AUTS2: variants seen among roughly 807,000 people sequenced by gnomAD.
AUTS2 encodes the protein autism susceptibility gene 2 protein.
Under a neutral mutation model 112.4 loss-of-function variants are expected in AUTS2, and 17 were observed. That is an observed-to-expected ratio of 0.15 (90% CI 0.10 to 0.23). The LOEUF (loss-of-function observed/expected upper bound fraction) is 0.23, where lower values mean the gene tolerates loss of function less well. AUTS2 is among the 10% of genes least tolerant of loss of function. AUTS2 has a pLI of 1.00. For synonymous variants in AUTS2, 751 were observed against 702.7 expected, an observed-to-expected ratio of 1.07 and a Z score of -1.09; for missense variants, 1,510 against 1,701.6, an observed-to-expected ratio of 0.89 and a Z score of 1.98.
chr7:69,900,486 TA>T (rs1192266222), intron 2 of AUTS2, among the ~76,000 whole-genome samples: 3 of 152,228 alleles, frequency 2.0e-5, no homozygotes, highest in African/African-American at 4.8e-5. Context: ...GAGAATCATA[TA>T]ATGAGAGCTA....
At chr7:70,373,008 C>T (rs957792751) in intron 4 of AUTS2, among the ~76,000 whole-genome samples, 2 of 152,112 alleles carry the variant, frequency 1.3e-5, no homozygotes, top group Non-Finnish European at 2.9e-5. Context: ...CAGCTCCATC[C>T]ATCTTTCTCA....
At chr7:70,303,425 C>CGT (rs1584995269) in intron 4 of AUTS2, among the ~76,000 whole-genome samples, 5 of 132,252 alleles carry the variant, frequency 3.8e-5, no homozygotes, top group Non-Finnish European at 6.4e-5. Flanking sequence ...CACACACACG[C>CGT]GCGCGCGCGC....
At chr7:70,283,953 C>T (rs1209881088) in intron 4 of AUTS2, among the ~76,000 whole-genome samples, 1 of 152,156 alleles carries the variant, frequency 6.6e-6, no homozygotes, top group Non-Finnish European at 1.5e-5. Context: ...ACTAGTATAT[C>T]ACAATCCCGT....
At chr7:70,005,793 A>T (rs1336135659) in intron 2 of AUTS2, among the ~76,000 whole-genome samples, 1 of 152,178 alleles carries the variant, frequency 6.6e-6, no homozygotes, top group African/African-American at 2.4e-5. Context: ...TGACCTCAAA[A>T]TTGAAAATTT....
chr7:69,664,029 G>T (rs550085849), intron 1 of AUTS2, among the ~76,000 whole-genome samples: 3 of 152,260 alleles, frequency 2.0e-5, no homozygotes, highest in South Asian at 4.1e-4. Context: ...AAGAATCTTT[G>T]GAAATGTCAG....
At chr7:70,425,498 A>G (rs1235887223) in intron 4 of AUTS2, among the ~76,000 whole-genome samples, 1 of 152,184 alleles carries the variant, frequency 6.6e-6, no homozygotes, top group African/African-American at 2.4e-5. Flanking sequence ...GAGATTCCTC[A>G]AAGGGCTATA....
intron 2 of AUTS2, among the ~76,000 whole-genome samples, chr7:70,085,443 G>A (rs1354184033): frequency 6.6e-6 from 1 of 151,170 alleles, no homozygotes; most frequent in African/African-American, 2.4e-5. Flanking sequence ...TTGGCTCACT[G>A]CAACCTCCGC....
intron 1 of AUTS2, among the ~76,000 whole-genome samples, chr7:69,802,324 G>C (rs1248255069): frequency 6.6e-6 from 1 of 152,164 alleles, no homozygotes; most frequent in Non-Finnish European, 1.5e-5. Context: ...CTAGTTTGTG[G>C]TGGAACCACC....
At chr7:70,730,396 C>G (rs939690501) in intron 6 of AUTS2, among the ~76,000 whole-genome samples, 2 of 152,050 alleles carry the variant, frequency 1.3e-5, no homozygotes, top group African/African-American at 2.4e-5. Flanking sequence ...AACTCTGTAC[C>G]CTTAGCTTCT....
Position 70,788,744 on chromosome 7 carries a change from T to C in AUTS2, c.2532-1004T>C, listed in dbSNP as rs147061846. Among the ~76,000 whole-genome samples the C allele has an allele frequency of 2.5e-4, 38 of 152,354 alleles. No individual in the cohort carries two copies. In the East Asian group the frequency reaches 7.1e-3, roughly 29 times the overall value. ...GCATGTGGGCAAGAAACAGCCCTTATAGGGGAGCCTCCTGAATACTCTGTG... is the reference window on the plus strand; with the variant it reads ...GCATGTGGGCAAGAAACAGCCCTTACAGGGGAGCCTCCTGAATACTCTGTG... On this transcript the variant is annotated intron_variant, in intron 18 of 18. Coordinates refer to ENST00000342771, the MANE Select transcript of AUTS2 (RefSeq NM_015570.4).
At chr7:70,789,354 T>G (rs1335917238) in intron 18 of AUTS2, among the ~76,000 whole-genome samples, 3 of 152,200 alleles carry the variant, frequency 2.0e-5, no homozygotes, top group Non-Finnish European at 4.4e-5. Flanking sequence ...AACGTGATTC[T>G]TTACACTAGA....
chr7:69,953,540 A>C (rs1797106743), intron 2 of AUTS2, among the ~76,000 whole-genome samples: 1 of 152,194 alleles, frequency 6.6e-6, no homozygotes, highest in African/African-American at 2.4e-5. Context: ...GGTTGAGTAG[A>C]AAATTACAAA....
intron 4 of AUTS2, among the ~76,000 whole-genome samples, chr7:70,331,510 T>A (rs996468247): frequency 6.8e-6 from 1 of 147,646 alleles, no homozygotes; most frequent in Non-Finnish European, 1.5e-5. Context: ...GCTCCTGGAC[T>A]CATTGATTTT....
rs187892280 is a variant in AUTS2 at position 70,549,346 on chromosome 7, G to T, written c.690+113565G>T. On this transcript the variant is annotated intron_variant, in intron 5 of 18. Coordinates refer to ENST00000342771, the MANE Select transcript of AUTS2 (RefSeq NM_015570.4). ...TTTTGCTTCTTTCTTGTCCATATGG[G>T]ATGACTTTTCTTTTTCTTGCCTGAT... is the stretch of plus-strand genomic sequence containing the variant. Among the ~76,000 whole-genome samples, 530 of 152,220 alleles carry T rather than the reference G, an allele frequency of 3.5e-3. 2 individuals carry two copies. Among genetic ancestry groups the T allele is most frequent in the Admixed American group, 0.01 (159 of 15,280 alleles).
intron 1 of AUTS2, among the ~76,000 whole-genome samples, chr7:69,759,193 G>A (rs1167984722): frequency 6.6e-6 from 1 of 152,078 alleles, no homozygotes; most frequent in African/African-American, 2.4e-5. Context: ...TTGCTCTGCT[G>A]TACTGTGGTT....
chr7:70,367,880 G>C (rs1271353334), intron 4 of AUTS2, among the ~76,000 whole-genome samples: 1 of 152,170 alleles, frequency 6.6e-6, no homozygotes, highest in Non-Finnish European at 1.5e-5. Context: ...GATGAGAGTA[G>C]AGACTGGGTT....
At chr7:70,251,583 T>C (rs1475117681) in intron 4 of AUTS2, among the ~76,000 whole-genome samples, 2 of 152,168 alleles carry the variant, frequency 1.3e-5, no homozygotes, top group South Asian at 4.1e-4. Context: ...TTTCCCTTCC[T>C]CTTCTCTGGG....
intron 4 of AUTS2, among the ~76,000 whole-genome samples, chr7:70,353,655 A>G (rs1370483067): frequency 6.6e-6 from 1 of 152,200 alleles, no homozygotes; most frequent in Admixed American, 6.5e-5. Flanking sequence ...AAGAGAAGGA[A>G]ACACAGCCTT....
chr7:69,869,997 C>G (rs1181304871), intron 1 of AUTS2, among the ~76,000 whole-genome samples: 4 of 152,054 alleles, frequency 2.6e-5, no homozygotes, highest in Non-Finnish European at 5.9e-5. Context: ...TGGATAATTC[C>G]TAATTGTCCC....
Sources: gnomAD v4.1 joint callset for allele counts (sites outside exome capture counted in the v4.1 genomes callset) on GRCh38, gnomAD v4.1.1 for gene constraint, MANE v1.5 for transcripts, NCBI Gene and HGNC (gene_info 2026-07-23, HGNC 2026-07-21) for gene names.